The following ASMTL variants were observed in gnomAD, a reference collection of about 807,000 sequenced individuals.
The protein encoded by ASMTL is acetylserotonin O-methyltransferase like, also known as probable bifunctional dTTP/UTP pyrophosphatase/methyltransferase protein.
Under a neutral mutation model 60.3 loss-of-function variants are expected in ASMTL, and 57 were observed. That is an observed-to-expected ratio of 0.95 (90% CI 0.76 to 1.18). The LOEUF (loss-of-function observed/expected upper bound fraction) is 1.18. Among genes scored for constraint, ASMTL ranks in the 50% most tolerant of loss-of-function variants. ASMTL has a pLI of 0.00. For missense variants in ASMTL, 981 were observed against 852.6 expected (o/e 1.15, Z -1.88); for synonymous variants, 419 against 373.0 (o/e 1.12, Z -1.42).
chrX:1,414,731 C>T (rs1185595559), intron 11 of ASMTL, among the ~76,000 whole-genome samples: 1 of 152,034 alleles, frequency 6.6e-6, no homozygotes, highest in Non-Finnish European at 1.5e-5. Flanking sequence ...TTCAGCATTT[C>T]TGTCTCTGCA....
intron 1 of ASMTL, among the ~76,000 whole-genome samples, chrX:1,443,063 A>ACG (rs1161470506): frequency 1.4e-4 from 20 of 142,558 alleles, no homozygotes; most frequent in Admixed American, 2.1e-4. Flanking sequence ...TCGTGGACAC[A>ACG]CACCGTCGTC....
intron 1 of ASMTL, among the ~76,000 whole-genome samples, chrX:1,448,802 C>T (rs186744417): frequency 4.8e-4 from 73 of 152,064 alleles, no homozygotes; most frequent in African/African-American, 1.4e-3. Context: ...GGATAAGCAC[C>T]ACCATCTTGG....
rs370236045 is a variant in ASMTL at position 1,412,822 on chromosome X, C to T, written c.1555G>A (p.Glu519Lys). 4.3e-6 allele frequency: 7 copies of T among 1,613,962 alleles called. No homozygotes were observed. The highest frequency in any genetic ancestry group is 1.7e-4 in the Middle Eastern group (1 of 6,056). ...AGGATCCGGCACAGGACGTACAGCT[C>T]AGCGCTGGGGAGGGGGTCCCTGAAA... is the stretch of plus-strand genomic sequence containing the variant. ...DFFRDPLPSA[E>K]LYVLCRILHD... Residue 519 changes from glutamate (E) to lysine (K), a missense_variant, in exon 12 of 13, where the codon GAG becomes AAG. Physicochemically the swap from Glu to Lys is moderately conservative, Grantham distance 56. Transcript: ENST00000381317.
In ASMTL at chrX:1,428,057, C is replaced by T; in HGVS notation, c.574G>A (p.Asp192Asn). ...GGMLVESVHG[D>N]FLNVVGFPLN... is the part of the protein sequence containing the mutation. ...GGGAATCCCACCACGTTCAGAAAGTCCCCGTGTACGGACTCCACCAGCATG... is the reference window on the plus strand; with the variant it reads ...GGGAATCCCACCACGTTCAGAAAGTTCCCGTGTACGGACTCCACCAGCATG... Residue 192 changes from aspartate (D) to asparagine (N), a missense_variant, in exon 7 of 13, where the codon GAC (aspartate) becomes AAC (asparagine). Transcript: ENST00000381317. The T allele has an allele frequency of 1.9e-6, 3 of 1,613,686 alleles. No individual in the cohort carries two copies. Among genetic ancestry groups the T allele is most frequent in the Non-Finnish European group, 2.5e-6 (3 of 1,179,824 alleles).
intron 1 of ASMTL, among the ~76,000 whole-genome samples, chrX:1,451,134 C>T (rs1449624829): frequency 6.9e-6 from 1 of 145,860 alleles, no homozygotes; most frequent in Non-Finnish European, 1.5e-5. Flanking sequence ...CTCCCCTCCC[C>T]ATTCCTAGGG....
In ASMTL at chrX:1,432,385, G is replaced by T. The variant is rs775577423; in HGVS notation, c.401-8C>A. ...TGGTGTCCAGCTGATGGTCTGCAAG[G>T]ACACAGCCGTGGGGGTGAGCGTGGA... On this transcript the variant is annotated splice_polypyrimidine_tract_variant and splice_region_variant and intron_variant, in intron 5 of 12. Transcript: ENST00000381317. 2.5e-6 allele frequency: 4 copies of T among 1,609,748 alleles called. No homozygotes were observed. The highest frequency in any genetic ancestry group is 1.7e-5 in the Admixed American group (1 of 59,732).
chrX:1,419,958 G>A lies in ASMTL; in HGVS notation c.1246-844C>T, dbSNP rs186132897. 6.5e-4 allele frequency among the ~76,000 whole-genome samples: 99 copies of A among 151,940 alleles called. 1 individual carries two copies. Among genetic ancestry groups the A allele is most frequent in the African/African-American group, 2.3e-3 (96 of 41,464 alleles). ...TCTCTGTCTGTCTGTCTCTGTCTCC[G>A]TCTGTGTGTCTCTGTCTTCCTCTTT... On this transcript the variant is annotated intron_variant, in intron 9 of 12. Coordinates refer to ENST00000381317, the MANE Select transcript of ASMTL (RefSeq NM_004192.4).
chrX:1,450,746 C>G (rs1249794179), intron 1 of ASMTL, among the ~76,000 whole-genome samples: 18 of 148,452 alleles, frequency 1.2e-4, no homozygotes, highest in South Asian at 2.1e-4. Flanking sequence ...TCTCCCCTCC[C>G]CCATCCCTAG....
At chrX:1,421,533 A>G in intron 9 of ASMTL, 125 bp downstream of exon 9, 1 of 1,079,826 alleles carries the variant, frequency 9.3e-7, no homozygotes, top group Non-Finnish European at 1.4e-6. Flanking sequence ...AGGCAGAACG[A>G]GCCAAGCCTT....
At chrX:1,440,051 A>T (rs1396819542) in intron 2 of ASMTL, among the ~76,000 whole-genome samples, 2 of 148,880 alleles carry the variant, frequency 1.3e-5, no homozygotes, top group Non-Finnish European at 3.0e-5. Flanking sequence ...TGATAGCACG[A>T]CTCACAACAG....
At chrX:1,437,513 T>C (rs1603451566) in intron 3 of ASMTL, among the ~76,000 whole-genome samples, 1 of 152,116 alleles carries the variant, frequency 6.6e-6, no homozygotes, top group East Asian at 1.9e-4. Flanking sequence ...TCCCTCTGTG[T>C]GTGTCTGTGT....
chrX:1,449,743 CCATCACCAGTAACTATGCCCCAT>C, intron 1 of ASMTL, among the ~76,000 whole-genome samples: 1 of 149,162 alleles, frequency 6.7e-6, no homozygotes, highest in Non-Finnish European at 1.5e-5. Context: ...TAACTATCCC[CCATCACCAGTAACTATGCCCCAT>C]CATCACCAGT....
chrX:1,450,583 G>C (rs1290335756), intron 1 of ASMTL, among the ~76,000 whole-genome samples: 3 of 128,140 alleles, frequency 2.3e-5, no homozygotes, highest in African/African-American at 9.9e-5. Context: ...ATCCCTAGGG[G>C]CTCTGGGTCA....
At chrX:1,447,748 TGACACACACCACCATCTTG>T (rs1482371011) in intron 1 of ASMTL, among the ~76,000 whole-genome samples, 2 of 129,830 alleles carry the variant, frequency 1.5e-5, no homozygotes, top group African/African-American at 5.9e-5. Context: ...TGGCCATCTT[TGACACACACCACCATCTTG>T]GACACACACC....
chrX:1,433,734 G>A (rs1323480176), intron 5 of ASMTL, among the ~76,000 whole-genome samples: 3 of 151,846 alleles, frequency 2.0e-5, no homozygotes, highest in African/African-American at 7.3e-5. Flanking sequence ...GCTTCTGGTG[G>A]GTGAACACAT....
chrX:1,421,310 C>T (rs539194110), intron 9 of ASMTL, among the ~76,000 whole-genome samples: 1 of 152,058 alleles, frequency 6.6e-6, no homozygotes, highest in Non-Finnish European at 1.5e-5. Flanking sequence ...CTATGTTGCC[C>T]AGGCTGGTCT....
At chrX:1,452,480 C>A (rs1351060518) in intron 1 of ASMTL, among the ~76,000 whole-genome samples, 3 of 150,918 alleles carry the variant, frequency 2.0e-5, no homozygotes, top group African/African-American at 7.3e-5. Flanking sequence ...GTTACGATCC[C>A]CTCCCCCATC....
intron 11 of ASMTL, among the ~76,000 whole-genome samples, chrX:1,416,547 ACAGAGATACCCCAACAGGCACACAGACG>A (rs2090277433): frequency 1.1e-5 from 1 of 92,716 alleles, no homozygotes; most frequent in African/African-American, 3.3e-5. Context: ...GCACGGACAC[ACAGAGATACCCCAACAGGCACACAGACG>A]CAGACACACA....
rs766190080 is a variant in ASMTL at position 1,425,629 on chromosome X, T to C, written c.956A>G (p.Gln319Arg). The C allele has an allele frequency of 6.2e-7, 1 of 1,613,818 alleles. No homozygotes were observed. The highest frequency in any genetic ancestry group is 8.5e-7 in the Non-Finnish European group (1 of 1,179,816). The change falls in exon 8 of 13, where the codon CAG becomes CGG. Residue 319 changes from glutamine to arginine, a missense_variant. Coordinates refer to ENST00000381317, the MANE Select transcript of ASMTL (RefSeq NM_004192.4). ...TTTGCTGGCAATATCCGCAGCCTTC[T>C]GGGGTGCTTCATCTTTTAACAAATC... Reference protein sequence around the residue: ...VFDLLKDEAPQKAADIASKVD... With the variant: ...VFDLLKDEAPRKAADIASKVD...
Sources: gnomAD v4.1 joint callset for allele counts (sites outside exome capture counted in the v4.1 genomes callset) on GRCh38, gnomAD v4.1.1 for gene constraint, MANE v1.5 for transcripts, NCBI Gene and HGNC (gene_info 2026-07-23, HGNC 2026-07-21) for gene names.